Variants in CSNK1G2 observed in about 807,000 individuals in gnomAD.
The protein encoded by CSNK1G2 is casein kinase 1 gamma 2.
In CSNK1G2, 11 loss-of-function variants were observed where a neutral mutation model predicts 48.0. The ratio of observed to expected loss-of-function variants is 0.23; its 90% CI spans 0.14 to 0.38. The LOEUF (loss-of-function observed/expected upper bound fraction) is 0.38, where lower values mean the gene tolerates loss of function less well. CSNK1G2 is among the 10% of genes least tolerant of loss of function. The probability of loss-of-function intolerance (pLI) is 1.00; values close to 1 mark genes in which losing one functional copy is unlikely to be tolerated. For synonymous variants in CSNK1G2, 337 were observed against 254.1 expected, an observed-to-expected ratio of 1.33 and a Z score of -3.10; for missense variants, 446 against 595.5, an observed-to-expected ratio of 0.75 and a Z score of 2.61.
At chr19:1,953,819 C>T (rs1356360006) in intron 1 of CSNK1G2, 3 of 525,532 alleles carry the variant, frequency 5.7e-6, no homozygotes, top group Admixed American at 3.9e-5. Flanking sequence ...CCGCGATCAC[C>T]TGTGGCCCTC....
chr19:1,953,486 C>T, intron 1 of CSNK1G2: 1 of 534,104 alleles, frequency 1.9e-6, no homozygotes, highest in Middle Eastern at 3.2e-4. Context: ...TCCATGGCAG[C>T]CTTGCCTCCG....
rs182936210 is a variant in CSNK1G2, at chr19:1,942,465, C to A, written c.-266+1047C>A. ...GGAGTCCAGCATCTTCTCCCCGTTACGCTCCACCGTGTGGCCCAGTGCGCC... is the reference window on the plus strand; with the variant it reads ...GGAGTCCAGCATCTTCTCCCCGTTAAGCTCCACCGTGTGGCCCAGTGCGCC... On this transcript the variant is annotated intron_variant, in intron 1 of 11. Transcript: ENST00000255641. 3.0e-3 allele frequency: 464 copies of A among 152,468 alleles called. 4 individuals carry two copies. Among genetic ancestry groups the A allele is most frequent in the African/African-American group, 0.011 (437 of 41,574 alleles). The allele number at this position is 152,468 out of a possible 1,614,324, so 9.4% of individuals were successfully genotyped here. A position where few individuals can be genotyped will look rare whatever the true frequency, so the allele number is the denominator to read the frequency against.
Position 1,957,080 on chromosome 19 carries a change from C to T in CSNK1G2, c.-265-12428C>T, listed in dbSNP as rs11084923. ...TGATGCTGCGTGGCTTAAACGGTGC[C>T]ACCCGGAGATTGGTGGGCGGGATTG... On this transcript the variant is annotated intron_variant, in intron 1 of 11. Coordinates refer to ENST00000255641, the MANE Select transcript of CSNK1G2 (RefSeq NM_001319.7). The surrounding 1 kb of genome is among the most constrained non-coding windows in gnomAD (Gnocchi z 5.4). Among the ~76,000 whole-genome samples the T allele has an allele frequency of 0.41, 62,354 of 151,942 alleles. 15,558 individuals are homozygous for T. Among genetic ancestry groups the T allele is most frequent in the Non-Finnish European group, 0.56 (38,046 of 67,920 alleles).
chr19:1,971,107 A>G (rs370196910), intron 2 of CSNK1G2, among the ~76,000 whole-genome samples: 1 of 152,322 alleles, frequency 6.6e-6, no homozygotes, highest in Non-Finnish European at 1.5e-5. Flanking sequence ...GATGAATGGT[A>G]GTTGCCACTC....
chr19:1,943,619 AG>A (rs557074778), intron 1 of CSNK1G2, among the ~76,000 whole-genome samples: 1 of 144,464 alleles, frequency 6.9e-6, no homozygotes, highest in East Asian at 2.1e-4. Context: ...CACGGTTGGG[AG>A]GGGGGGCACT....
rs2015141319 is a variant in CSNK1G2, at chr19:1,959,897, T to A, written c.-265-9611T>A. On this transcript the variant is annotated intron_variant, in intron 1 of 11. Coordinates refer to ENST00000255641, the MANE Select transcript of CSNK1G2 (RefSeq NM_001319.7). ...GGTCCCCCAGCACCCGCCCCACCTT[T>A]AGTGCCACCCTGGGTCCCCACATCC... Among the ~76,000 whole-genome samples the A allele has an allele frequency of 2.0e-5, 3 of 152,174 alleles. 1 individual carries two copies. In the South Asian group the frequency reaches 6.2e-4, roughly 32 times the overall value.
chr19:1,975,420 G>A (rs752206100), intron 2 of CSNK1G2: 41 of 985,378 alleles, frequency 4.2e-5, no homozygotes, highest in Middle Eastern at 5.2e-4. Flanking sequence ...CTACACAGCC[G>A]TGTTCGCCGG....
chr19:1,952,985 A>G (rs766079950), intron 1 of CSNK1G2: 1 of 435,308 alleles, frequency 2.3e-6, no homozygotes. Flanking sequence ...AAGGCACTCC[A>G]GTCTGGGTGG....
chr19:1,979,067 T>C lies in CSNK1G2; in HGVS notation c.656T>C (p.Met219Thr). ...HKSLTGTARY[M>T]SINTHLGKEQ... Reference sequence around the variant, plus strand: ...AGCCTGACGGGCACGGCGCGCTACATGAGCATCAACACGCACCTGGGCAAG... The same window carrying C: ...AGCCTGACGGGCACGGCGCGCTACACGAGCATCAACACGCACCTGGGCAAG... Residue 219 changes from methionine to threonine, a missense_variant, in exon 6 of 12, where the codon ATG becomes ACG. Around this residue, in one of 2 missense-constraint regions of CSNK1G2, gnomAD observed 258 missense variants for 415.9 expected, o/e 0.62. Coordinates refer to ENST00000255641, the MANE Select transcript of CSNK1G2 (RefSeq NM_001319.7). 6.3e-7 allele frequency: 1 copy of C among 1,597,574 alleles called. No individual in the cohort carries two copies.
intron 1 of CSNK1G2, among the ~76,000 whole-genome samples, chr19:1,956,628 G>A (rs964375004): frequency 9.9e-5 from 15 of 152,252 alleles, no homozygotes; most frequent in Non-Finnish European, 2.2e-4. Flanking sequence ...TTCAGTGGTT[G>A]GTGTTGACCC....
rs150242482 is a variant in CSNK1G2, at chr19:1,971,191, C to T, written c.187+1232C>T. Reference sequence around the variant, plus strand: ...TATGAGTCAAGCAGCTTCTCCCAGGCGAGGGCAGCTGTTGGGGTCACTGTT... The same window carrying T: ...TATGAGTCAAGCAGCTTCTCCCAGGTGAGGGCAGCTGTTGGGGTCACTGTT... On this transcript the variant is annotated intron_variant, in intron 2 of 11. Transcript: ENST00000255641. Among the ~76,000 whole-genome samples the T allele has an allele frequency of 2.6e-3, 392 of 152,320 alleles. 2 individuals carry two copies. The highest frequency in any genetic ancestry group is 3.9e-3 in the Admixed American group (60 of 15,304).
At chr19:1,955,252 G>A (rs1278611459) in intron 1 of CSNK1G2, among the ~76,000 whole-genome samples, 2 of 152,064 alleles carry the variant, frequency 1.3e-5, no homozygotes, top group East Asian at 1.9e-4. Flanking sequence ...CTGTGCCCAC[G>A]GAACACAGCC....
intron 1 of CSNK1G2, among the ~76,000 whole-genome samples, chr19:1,960,410 C>T (rs2015159035): frequency 6.6e-6 from 1 of 152,216 alleles, no homozygotes; most frequent in African/African-American, 2.4e-5. Context: ...GAAAGGCAGG[C>T]AGTGTGGCGC....
intron 1 of CSNK1G2, among the ~76,000 whole-genome samples, chr19:1,955,845 C>T (rs1055705797): frequency 6.6e-5 from 10 of 152,164 alleles, no homozygotes; most frequent in African/African-American, 2.2e-4. Flanking sequence ...TGCTCCCGGC[C>T]GGCCCTGAGG....
intron 1 of CSNK1G2, among the ~76,000 whole-genome samples, chr19:1,948,724 G>A (rs2014660476): frequency 6.6e-6 from 1 of 152,166 alleles, no homozygotes; most frequent in African/African-American, 2.4e-5. Context: ...GCAGGGTGGG[G>A]TTTAGGGCAG....
Position 1,978,171 on chromosome 19 carries a change from C to A in CSNK1G2, c.188-134C>A. On this transcript the variant is annotated intron_variant, in intron 2 of 11. Coordinates refer to ENST00000255641, the MANE Select transcript of CSNK1G2 (RefSeq NM_001319.7). The surrounding 1 kb of genome is among the most constrained non-coding windows in gnomAD (Gnocchi z 7.3). ...TCTGGCAGGCTGGGCCCAGGCCCTG[C>A]TGCTGGGCAGTGGTGTCATTTGGAG... 2 of 894,858 alleles carry A rather than the reference C, an allele frequency of 2.2e-6. No homozygotes were observed. Among genetic ancestry groups the A allele is most frequent in the Admixed American group, 1.9e-5 (1 of 52,824 alleles). 55.4% of individuals were successfully genotyped at this position (894,858 alleles called of 1,614,324 possible).
Position 1,971,646 on chromosome 19 carries a change from G to A in CSNK1G2, c.187+1687G>A, listed in dbSNP as rs573058219. On this transcript the variant is annotated intron_variant, in intron 2 of 11. Transcript: ENST00000255641. ...GGCACAGCCCCGTGACCTGCAGCCT[G>A]CGGGGTATGGCTTTTGGGAACCCAG... 2.6e-5 allele frequency among the ~76,000 whole-genome samples: 4 copies of A among 152,342 alleles called. No homozygotes were observed. In the East Asian group the frequency reaches 7.7e-4, roughly 29 times the overall value.
At chr19:1,953,404 G>A (rs745710228) in intron 1 of CSNK1G2, 3 of 534,456 alleles carry the variant, frequency 5.6e-6, no homozygotes, top group East Asian at 1.1e-4. Context: ...GAGTCTGGAA[G>A]GCCGTCTTTG....
intron 1 of CSNK1G2, chr19:1,953,139 G>A (rs1319845534): frequency 2.1e-5 from 8 of 376,998 alleles, no homozygotes; most frequent in South Asian, 5.7e-5. Flanking sequence ...GAGCCACCCC[G>A]GGTCCCACTC....
Sources: gnomAD v4.1 joint callset for allele counts (sites outside exome capture counted in the v4.1 genomes callset) on GRCh38, gnomAD v4.1.1 for gene constraint, gnomAD v4.1.1 regional missense constraint, Gnocchi (gnomAD v3.1) non-coding constraint, MANE v1.5 for transcripts, NCBI Gene and HGNC (gene_info 2026-07-23, HGNC 2026-07-21) for gene names.